Variants in LRP1B observed in about 807,000 individuals in gnomAD.
LRP1B encodes the protein LDL receptor related protein 1B.
Under a neutral mutation model 556.6 loss-of-function variants are expected in LRP1B, and 217 were observed. The observed-to-expected ratio is 0.39, with a 90% CI of 0.35 to 0.44. LRP1B has a LOEUF of 0.44. LRP1B is among the 20% of genes least tolerant of loss of function. LRP1B has a pLI of 1.00. For synonymous variants in LRP1B, 2,047 were observed against 1,865.8 expected (o/e 1.10, Z -2.50); for missense variants, 5,053 against 5,620.8 (o/e 0.90, Z 3.23).
At chr2:141,085,467 TGAG>T (rs1310815084) in intron 7 of LRP1B, among the ~76,000 whole-genome samples, 2 of 151,836 alleles carry the variant, frequency 1.3e-5, no homozygotes, top group Non-Finnish European at 2.9e-5. Context: ...GAAGAGGAAA[TGAG>T]GACCCACAGA....
intron 84 of LRP1B, among the ~76,000 whole-genome samples, chr2:140,276,790 A>T (rs1234688279): frequency 1.3e-5 from 2 of 151,950 alleles, no homozygotes; most frequent in East Asian, 1.9e-4. Context: ...GCCATGGTGG[A>T]TATAATTAAT....
chr2:141,936,541 C>T (rs1438777829), intron 1 of LRP1B, among the ~76,000 whole-genome samples: 1 of 152,148 alleles, frequency 6.6e-6, no homozygotes, highest in Non-Finnish European at 1.5e-5. Context: ...TTTAGACTTT[C>T]CAGCCTCCAG....
At position 141,959,689 on chromosome 2, in the gene LRP1B, C is replaced by A. The variant is rs570020602; in HGVS notation, c.83-149288G>T. On this transcript the variant is annotated intron_variant, in intron 1 of 90. Transcript: ENST00000389484. ...ACATTTAAAATATTATTTCAACATA[C>A]AATTAAGATTTAAATATTATTCATG... Among the ~76,000 whole-genome samples the A allele has an allele frequency of 5.9e-5, 9 of 151,928 alleles. No individual in the cohort carries two copies. The East Asian group carries it at 1.2e-3, about 20-fold the overall frequency.
At chr2:141,736,538 G>A (rs939288084) in intron 2 of LRP1B, among the ~76,000 whole-genome samples, 1 of 152,072 alleles carries the variant, frequency 6.6e-6, no homozygotes, top group East Asian at 1.9e-4. Flanking sequence ...GAGACTCAAA[G>A]TATGCTGTCA....
chr2:142,046,441 C>CT (rs201472382), intron 1 of LRP1B, among the ~76,000 whole-genome samples: 5 of 151,786 alleles, frequency 3.3e-5, no homozygotes, highest in Admixed American at 2.6e-4. Flanking sequence ...ATCCACTGAG[C>CT]TTTTTTTTGT....
At chr2:141,255,536 A>T (rs936187135) in intron 3 of LRP1B, among the ~76,000 whole-genome samples, 1 of 152,074 alleles carries the variant, frequency 6.6e-6, no homozygotes, top group African/African-American at 2.4e-5. Flanking sequence ...TCCAAACTGA[A>T]CATTGGGTAT....
At chr2:140,760,855 T>C (rs1688896724) in intron 35 of LRP1B, among the ~76,000 whole-genome samples, 1 of 151,876 alleles carries the variant, frequency 6.6e-6, no homozygotes, top group Non-Finnish European at 1.5e-5. Context: ...CACCATCGCA[T>C]TCCAGCCTGG....
At chr2:141,221,849 G>A (rs1683055634) in intron 6 of LRP1B, among the ~76,000 whole-genome samples, 1 of 152,178 alleles carries the variant, frequency 6.6e-6, no homozygotes. Context: ...ATGAAATTAA[G>A]GCAGAAATCA....
intron 7 of LRP1B, among the ~76,000 whole-genome samples, chr2:141,118,096 T>C (rs146976797): frequency 1.4e-4 from 22 of 152,050 alleles, no homozygotes; most frequent in Admixed American, 1.0e-3. Context: ...TTAATTACTA[T>C]ACATGGAAAC....
At chr2:142,053,816 A>G (rs1704559041) in intron 1 of LRP1B, among the ~76,000 whole-genome samples, 2 of 152,198 alleles carry the variant, frequency 1.3e-5, no homozygotes, top group South Asian at 4.1e-4. Context: ...AGAGGGGTCC[A>G]GTCTCTTGAC....
chr2:141,568,457 G>A (rs1001224410), intron 2 of LRP1B, among the ~76,000 whole-genome samples: 3 of 150,952 alleles, frequency 2.0e-5, no homozygotes, highest in African/African-American at 7.3e-5. Flanking sequence ...TAAGAAAGAA[G>A]TTCTTTGCCA....
chr2:141,067,580 G>A (rs1245083457), intron 7 of LRP1B, among the ~76,000 whole-genome samples: 1 of 151,968 alleles, frequency 6.6e-6, no homozygotes, highest in African/African-American at 2.4e-5. Flanking sequence ...GATATGTCAG[G>A]CAATGTGGCT....
At chr2:140,465,113 C>T (rs747062964) in intron 60 of LRP1B, among the ~76,000 whole-genome samples, 23 of 151,988 alleles carry the variant, frequency 1.5e-4, no homozygotes, top group African/African-American at 2.2e-4. Context: ...TCTAGGGAGG[C>T]GTCAAGAAAC....
intron 32 of LRP1B, among the ~76,000 whole-genome samples, chr2:140,785,864 G>A (rs1273234624): frequency 1.3e-5 from 2 of 152,030 alleles, no homozygotes; most frequent in African/African-American, 2.4e-5. Context: ...GAGGCCAGAC[G>A]GTCACTGTTT....
chr2:141,177,233 G>A lies in LRP1B; in HGVS notation c.1013+11188C>T, dbSNP rs553025341. ...TCTCTCAATGACTACCTGGAGAAAA[G>A]CTGCCTGATAATGAGGAATATGTGC... On this transcript the variant is annotated intron_variant, in intron 7 of 90. Transcript: ENST00000389484. Among the ~76,000 whole-genome samples the A allele has an allele frequency of 2.2e-3, 336 of 152,178 alleles. 2 individuals carry two copies. The highest frequency in any genetic ancestry group is 7.8e-3 in the African/African-American group (325 of 41,546).
intron 3 of LRP1B, among the ~76,000 whole-genome samples, chr2:141,477,367 A>G (rs1286589072): frequency 6.6e-6 from 1 of 151,734 alleles, no homozygotes. Context: ...TTCTTGATTT[A>G]TTTTCTGTCT....
At chr2:140,655,729 T>C (rs971680958) in intron 41 of LRP1B, among the ~76,000 whole-genome samples, 2 of 152,074 alleles carry the variant, frequency 1.3e-5, no homozygotes, top group African/African-American at 2.4e-5. Flanking sequence ...GATCACGAGG[T>C]CAGGAAATCG....
chr2:141,971,410 C>A (rs1165941842), intron 1 of LRP1B, among the ~76,000 whole-genome samples: 1 of 151,454 alleles, frequency 6.6e-6, no homozygotes, highest in African/African-American at 2.4e-5. Context: ...TTCGTACACC[C>A]TTTGTTTTAG....
chr2:140,364,971 T>C (rs1419266182), intron 71 of LRP1B, among the ~76,000 whole-genome samples, 188 bp from the exon 72 acceptor site: 3 of 151,538 alleles, frequency 2.0e-5, no homozygotes, highest in Non-Finnish European at 4.4e-5. Context: ...GTATTCATTG[T>C]TGACATTTCA....
Sources: gnomAD v4.1 joint callset for allele counts (sites outside exome capture counted in the v4.1 genomes callset) on GRCh38, gnomAD v4.1.1 for gene constraint, MANE v1.5 for transcripts, NCBI Gene and HGNC (gene_info 2026-07-23, HGNC 2026-07-21) for gene names.